Variants in PARD3B observed in about 807,000 individuals in gnomAD.
PARD3B encodes the protein partitioning defective 3 homolog B.
A neutral mutation model predicts 130.2 loss-of-function variants in PARD3B; 103 were observed. That is an observed-to-expected ratio of 0.79 (90% CI 0.67 to 0.93). The LOEUF is 0.93. Among genes scored for constraint, PARD3B ranks in the 40% least tolerant of loss-of-function variants. PARD3B has a pLI of 0.00. For synonymous variants in PARD3B, 583 were observed against 553.2 expected, an observed-to-expected ratio of 1.05 and a Z score of -0.76; for missense variants, 1,609 against 1,499.2, an observed-to-expected ratio of 1.07 and a Z score of -1.21.
At chr2:205,204,345 A>G (rs148503589) in intron 15 of PARD3B, among the ~76,000 whole-genome samples, 1,750 of 152,332 alleles carry the variant, frequency 0.011, 33 homozygotes, top group African/African-American at 0.038. Flanking sequence ...GATTCTGGAT[A>G]TTAGCCCTTT....
At chr2:204,605,504 A>G (rs1294495491) in intron 1 of PARD3B, among the ~76,000 whole-genome samples, 3 of 152,136 alleles carry the variant, frequency 2.0e-5, no homozygotes, top group African/African-American at 7.2e-5. Flanking sequence ...TGAGGTGTGA[A>G]TGCTGATCAT....
At chr2:204,730,575 A>G (rs2039463135) in intron 2 of PARD3B, among the ~76,000 whole-genome samples, 1 of 137,252 alleles carries the variant, frequency 7.3e-6, no homozygotes. Flanking sequence ...TGCAGGGGTA[A>G]AAAAAAAAAG....
chr2:204,644,712 T>A (rs2035213026), intron 1 of PARD3B, among the ~76,000 whole-genome samples: 1 of 152,168 alleles, frequency 6.6e-6, no homozygotes, highest in South Asian at 2.1e-4. Flanking sequence ...TTTTTTTCCT[T>A]AAGAATATGC....
intron 2 of PARD3B, among the ~76,000 whole-genome samples, chr2:204,762,477 A>G (rs2040947450): frequency 6.6e-6 from 1 of 152,114 alleles, no homozygotes; most frequent in Non-Finnish European, 1.5e-5. Flanking sequence ...GCAGCTCAAG[A>G]GGCAGGATTT....
In PARD3B at chr2:204,610,203, CA is replaced by C. The variant is rs2033872056; in HGVS notation, c.120+64085del. On this transcript the variant is annotated intron_variant, in intron 1 of 22. Transcript: ENST00000406610. This position sits in a 1 kb window ranked among gnomAD's most constrained non-coding sequence, Gnocchi z 4.1. ...CAGGTTTCTCTGGAGTCCCCTTGGC[CA>C]TGAGGGACATCCATTCAGACAGTTG... Among the ~76,000 whole-genome samples, 1 of 152,106 alleles carries C rather than the reference CA, an allele frequency of 6.6e-6. No individual in the cohort carries two copies. The highest frequency in any genetic ancestry group is 2.4e-5 in the African/African-American group (1 of 41,434).
intron 2 of PARD3B, among the ~76,000 whole-genome samples, chr2:204,748,223 A>G (rs1302680077): frequency 6.6e-6 from 1 of 152,166 alleles, no homozygotes; most frequent in Non-Finnish European, 1.5e-5. Context: ...AGATTGGCAG[A>G]TTAAATGACA....
intron 14 of PARD3B, among the ~76,000 whole-genome samples, chr2:205,192,599 G>A (rs1173243463): frequency 6.6e-6 from 1 of 152,152 alleles, no homozygotes; most frequent in Admixed American, 6.5e-5. Flanking sequence ...ACTATAATGG[G>A]CATTTGATGT....
chr2:205,580,902 ATAAAT>A (rs1438677051), intron 22 of PARD3B, among the ~76,000 whole-genome samples: 4 of 152,190 alleles, frequency 2.6e-5, no homozygotes, highest in Non-Finnish European at 4.4e-5. Flanking sequence ...AAATTTCACT[ATAAAT>A]TATTCTATTT....
chr2:204,773,726 A>G (rs2041491726), intron 2 of PARD3B, among the ~76,000 whole-genome samples: 1 of 152,112 alleles, frequency 6.6e-6, no homozygotes, highest in African/African-American at 2.4e-5. Context: ...ATTGAAGCCA[A>G]CATTATCGTT....
Position 205,301,663 on chromosome 2 carries a change from A to T in PARD3B, c.2592A>T (p.Glu864Asp). The change falls in exon 18 of 23, where the codon GAA becomes GAT. Residue 864 changes from glutamate (E) to aspartate (D), a missense_variant. Coordinates refer to ENST00000406610, the MANE Select transcript of PARD3B (RefSeq NM_001302769.2). The surrounding 1 kb of genome is among the most constrained non-coding windows in gnomAD (Gnocchi z 5.2). ...GCAAAGAGGAGAATGAAGATCCAGA[A>T]AGGAAAATAAAGAAGAAGGGCTTCG... is the stretch of plus-strand genomic sequence containing the variant. ...KKRKEENEDPERKIKKKGFGA... is the reference protein window; with the variant it reads ...KKRKEENEDPDRKIKKKGFGA... The T allele has an allele frequency of 6.2e-7, 1 of 1,613,940 alleles. No homozygotes were observed. Among genetic ancestry groups the T allele is most frequent in the South Asian group, 1.1e-5 (1 of 91,062 alleles).
chr2:205,223,439 C>G (rs1302067809), intron 15 of PARD3B, among the ~76,000 whole-genome samples: 1 of 152,106 alleles, frequency 6.6e-6, no homozygotes, highest in Non-Finnish European at 1.5e-5. Context: ...CATGGAATAA[C>G]AAAAGCCATA....
At position 205,183,446 on chromosome 2, in the gene PARD3B, C is replaced by A. The variant is rs905847070; in HGVS notation, c.1925-2318C>A. 6.6e-6 allele frequency among the ~76,000 whole-genome samples: 1 copy of A among 152,178 alleles called. No individual in the cohort carries two copies. The highest frequency in any genetic ancestry group is 1.5e-5 in the Non-Finnish European group (1 of 68,028). On this transcript the variant is annotated intron_variant, in intron 13 of 22. Transcript: ENST00000406610. This position sits in a 1 kb window ranked among gnomAD's most constrained non-coding sequence, Gnocchi z 5.2. ...GTCCCCAATTTACATTACAGTCCTT[C>A]TGTTCTGTTTCTCTTAGCAAGTCTT...
At chr2:205,442,516 T>C (rs2047755188) in intron 20 of PARD3B, among the ~76,000 whole-genome samples, 1 of 152,132 alleles carries the variant, frequency 6.6e-6, no homozygotes, top group Non-Finnish European at 1.5e-5. Flanking sequence ...TTAACCAGGC[T>C]GGTCTTGAAC....
At chr2:204,758,215 G>A (rs760159362) in intron 2 of PARD3B, among the ~76,000 whole-genome samples, 12 of 152,140 alleles carry the variant, frequency 7.9e-5, no homozygotes, top group Non-Finnish European at 1.3e-4. Flanking sequence ...CAAGATGGGT[G>A]TTCCAAGAAG....
At chr2:205,156,228 C>G (rs1172324796) in intron 10 of PARD3B, among the ~76,000 whole-genome samples, 1 of 119,544 alleles carries the variant, frequency 8.4e-6, no homozygotes, top group Non-Finnish European at 1.6e-5. Flanking sequence ...CACATGGACA[C>G]AGGAAGGGGA....
In PARD3B at chr2:205,461,855, C is replaced by A. The variant is rs2048464516; in HGVS notation, c.3044+21183C>A. ...ATCATTAGTTTAAGGTGTCTTTCTT[C>A]TTTCAGCAGTTTAATAGTCATCATC... is the stretch of plus-strand genomic sequence containing the variant. On this transcript the variant is annotated intron_variant, in intron 20 of 22. Transcript: ENST00000406610. The surrounding 1 kb of genome is among the most constrained non-coding windows in gnomAD (Gnocchi z 4.3). 6.6e-6 allele frequency among the ~76,000 whole-genome samples: 1 copy of A among 152,146 alleles called. No individual in the cohort carries two copies. The highest frequency in any genetic ancestry group is 2.4e-5 in the African/African-American group (1 of 41,434).
intron 1 of PARD3B, among the ~76,000 whole-genome samples, chr2:204,682,065 A>G (rs1045661952): frequency 6.6e-6 from 1 of 152,022 alleles, no homozygotes; most frequent in Non-Finnish European, 1.5e-5. Flanking sequence ...GTCACCCCCC[A>G]TGTCTCTGCA....
intron 21 of PARD3B, among the ~76,000 whole-genome samples, chr2:205,531,535 A>T (rs1236916455): frequency 2.0e-5 from 3 of 152,054 alleles, no homozygotes; most frequent in Non-Finnish European, 4.4e-5. Flanking sequence ...CCCTCCATGG[A>T]TAAGAGGGAT....
chr2:205,379,725 TAGC>T (rs1039548150), intron 18 of PARD3B, among the ~76,000 whole-genome samples: 5 of 152,064 alleles, frequency 3.3e-5, no homozygotes, highest in African/African-American at 1.2e-4. Context: ...TAATACAAAT[TAGC>T]AGGTATTACA....
Sources: gnomAD v4.1 joint callset for allele counts (sites outside exome capture counted in the v4.1 genomes callset) on GRCh38, gnomAD v4.1.1 for gene constraint, Gnocchi (gnomAD v3.1) non-coding constraint, MANE v1.5 for transcripts, NCBI Gene and HGNC (gene_info 2026-07-23, HGNC 2026-07-21) for gene names.